Variants in SEMA4B observed in about 807,000 individuals in gnomAD.
The protein encoded by SEMA4B is semaphorin-4B.
In SEMA4B, 55 loss-of-function variants were observed where a neutral mutation model predicts 88.1. That is an observed-to-expected ratio of 0.62 (90% CI 0.50 to 0.78). The LOEUF (loss-of-function observed/expected upper bound fraction) is 0.78, where lower values mean the gene tolerates loss of function less well. Among genes scored for constraint, SEMA4B ranks in the 30% least tolerant of loss-of-function variants. SEMA4B has a pLI of 0.00. For missense variants in SEMA4B, 1,062 were observed against 1,111.9 expected, an observed-to-expected ratio of 0.96 and a Z score of 0.64; for synonymous variants, 525 against 473.6, an observed-to-expected ratio of 1.11 and a Z score of -1.41.
rs563424902 is a variant in SEMA4B, at chr15:90,217,776, G to T, written c.331G>T (p.Gly111Cys). ...PGGEYQELLW[G>C]ADAEKKQQCS... is the part of the protein sequence containing the mutation. ...CTTTCTCATTCCCCAGCTGCTTTGG[G>T]GTGCAGACGCAGAGAAGAAACAGCA... Residue 111 changes from glycine (G) to cysteine (C), a missense_variant, in exon 3 of 14, where the codon GGT (glycine) becomes TGT (cysteine). Gly to Cys is a radical substitution (Grantham distance 159, BLOSUM62 -3). Coordinates refer to ENST00000411539, the MANE Select transcript of SEMA4B (RefSeq NM_198925.4). 4 of 1,613,482 alleles carry T rather than the reference G, an allele frequency of 2.5e-6. No homozygotes were observed. The African/African-American group carries it at 5.3e-5, about 22-fold the overall frequency.
Position 90,201,540 on chromosome 15 carries a change from G to T in SEMA4B, c.-39G>T, listed in dbSNP as rs1026883638. Reference sequence around the variant, plus strand: ...GCCCGTGAGTCCGGCCGAGCCACCTGAGCCCGAGCCGCGGGACACCGTCGC... The same window carrying T: ...GCCCGTGAGTCCGGCCGAGCCACCTTAGCCCGAGCCGCGGGACACCGTCGC... On this transcript the variant is annotated 5_prime_UTR_variant, in exon 1 of 14. Transcript: ENST00000411539. 7 of 1,418,466 alleles carry T rather than the reference G, an allele frequency of 4.9e-6. No homozygotes were observed. The highest frequency in any genetic ancestry group is 2.9e-5 in the Admixed American group (1 of 34,888). The allele number at this position is 1,418,466 out of a possible 1,614,324, so 87.9% of individuals were successfully genotyped here.
chr15:90,187,628 C>T (rs1244005578), intron 1 of SEMA4B, among the ~76,000 whole-genome samples: 1 of 152,188 alleles, frequency 6.6e-6, no homozygotes, highest in Non-Finnish European at 1.5e-5. Context: ...AGGATTCTAG[C>T]CTGGGAGCAC....
At chr15:90,227,873 C>T (rs373198078) in intron 13 of SEMA4B, 31 bp from the exon 14 acceptor site, 43 of 1,605,088 alleles carry the variant, frequency 2.7e-5, no homozygotes, top group South Asian at 8.8e-5. Flanking sequence ...GACGCTGGCA[C>T]CCCCCTACCC....
chr15:90,212,643 TACACACAC>T lies in SEMA4B; in HGVS notation c.158-4779_158-4772del, dbSNP rs3029937. Among the ~76,000 whole-genome samples, 2 of 149,930 alleles carry T rather than the reference TACACACAC, an allele frequency of 1.3e-5. No individual in the cohort carries two copies. Among genetic ancestry groups the T allele is most frequent in the Non-Finnish European group, 3.0e-5 (2 of 67,248 alleles). Reference sequence around the variant, plus strand: ...CGTGGACAAGCCCTGCGGTACCGTGTACACACACACACACACACACACACCACAGGCAA... The same window carrying T: ...CGTGGACAAGCCCTGCGGTACCGTGTACACACACACACACACCACAGGCAA... On this transcript the variant is annotated intron_variant, in intron 1 of 13. Transcript: ENST00000411539. The surrounding 1 kb of genome is among the most constrained non-coding windows in gnomAD (Gnocchi z 4.0).
intron 1 of SEMA4B, among the ~76,000 whole-genome samples, chr15:90,214,489 C>G (rs552209348): frequency 6.6e-6 from 1 of 150,842 alleles, no homozygotes; most frequent in Non-Finnish European, 1.5e-5. Context: ...AATACTTTGC[C>G]GGGCGTGGTG....
At chr15:90,194,947 C>T (rs950011209) in intron 1 of SEMA4B, among the ~76,000 whole-genome samples, 9 of 152,086 alleles carry the variant, frequency 5.9e-5, no homozygotes, top group Non-Finnish European at 1.3e-4. Flanking sequence ...GACTTAATCA[C>T]ATCTGAGAAA....
rs746239417 is a variant in SEMA4B, at chr15:90,217,441, T to A, written c.160T>A (p.Ser54Thr). ...LSPRISLPLG[S>T]EERPFLRFEA... ...AATACCCATCTTCCTCTCCCCAGGC[T>A]CTGAAGAGCGGCCATTCCTCAGATT... The change falls in exon 2 of 14, where the codon TCT becomes ACT. Residue 54 changes from serine (S) to threonine (T), a missense_variant and splice_region_variant. By Grantham distance (58) the Ser-to-Thr change is moderately conservative. Coordinates refer to ENST00000411539, the MANE Select transcript of SEMA4B (RefSeq NM_198925.4). The A allele has an allele frequency of 6.2e-7, 1 of 1,612,924 alleles. No individual in the cohort carries two copies. The highest frequency in any genetic ancestry group is 1.1e-5 in the South Asian group (1 of 90,830).
chr15:90,227,411 G>A (rs1006454460), intron 12 of SEMA4B, 146 bp from the exon 13 acceptor site: 2 of 635,998 alleles, frequency 3.1e-6, no homozygotes, highest in Admixed American at 5.6e-5. Flanking sequence ...TTGAAATAAT[G>A]TGTAGACAGA....
At position 90,201,351 on chromosome 15, in the gene SEMA4B, A is replaced by T. The variant is rs1960707942; in HGVS notation, c.-228A>T. On this transcript the variant is annotated 5_prime_UTR_variant, in exon 1 of 14. Coordinates refer to ENST00000411539, the MANE Select transcript of SEMA4B (RefSeq NM_198925.4). ...CGCCGCTTGCGGGTGAGCTCTGCCCAAGCCGAGGCTGCGGGGCCGGCGCCG... is the reference window on the plus strand; with the variant it reads ...CGCCGCTTGCGGGTGAGCTCTGCCCTAGCCGAGGCTGCGGGGCCGGCGCCG... 1.6e-6 allele frequency: 2 copies of T among 1,229,990 alleles called. No homozygotes were observed. Among genetic ancestry groups the T allele is most frequent in the Non-Finnish European group, 2.0e-6 (2 of 985,082 alleles). The allele number at this position is 1,229,990 out of a possible 1,614,324, so 76.2% of individuals were successfully genotyped here.
chr15:90,228,521 C>T lies in SEMA4B; in HGVS notation c.2392C>T (p.Arg798Ter), dbSNP rs574260228. ...CCTGTCAGACAGCCCCCCGGGGTCC[C>T]GAGTCTTCACTGAGTCAGAGAAGAG... is the stretch of plus-strand genomic sequence containing the variant. Reference protein sequence around the residue: ...QSLSDSPPGSRVFTESEKRPL... With the variant: ...QSLSDSPPGS Residue 798 changes from arginine (R) to a stop codon, truncating the protein, a stop_gained, in exon 14 of 14, where the codon CGA becomes TGA. Coordinates refer to ENST00000411539, the MANE Select transcript of SEMA4B (RefSeq NM_198925.4). LOFTEE classifies it high-confidence loss of function. 1.4e-5 allele frequency: 22 copies of T among 1,611,830 alleles called. No homozygotes were observed. Among genetic ancestry groups the T allele is most frequent in the Middle Eastern group, 1.7e-4 (1 of 6,060 alleles).
chr15:90,193,834 T>C (rs1960417259), intron 1 of SEMA4B, among the ~76,000 whole-genome samples: 1 of 152,026 alleles, frequency 6.6e-6, no homozygotes, highest in Non-Finnish European at 1.5e-5. Flanking sequence ...GCAATCTTTT[T>C]CATAATATTC....
At chr15:90,224,252 C>T (rs1180831546) in intron 9 of SEMA4B, among the ~76,000 whole-genome samples, 1 of 152,244 alleles carries the variant, frequency 6.6e-6, no homozygotes, top group Non-Finnish European at 1.5e-5. Context: ...ACAATCATCT[C>T]TTCATTTGGT....
At chr15:90,222,257 T>C (rs1183246166) in intron 7 of SEMA4B, among the ~76,000 whole-genome samples, 1 of 148,936 alleles carries the variant, frequency 6.7e-6, no homozygotes, top group African/African-American at 2.4e-5. Context: ...TTCTTTTCTT[T>C]TTTTTTTTTT....
At chr15:90,221,184 C>A in intron 5 of SEMA4B, 91 bp downstream of exon 5, 1 of 1,142,092 alleles carries the variant, frequency 8.8e-7, no homozygotes, top group Non-Finnish European at 1.3e-6. Flanking sequence ...GAGTCCATGC[C>A]ATGCTTATTT....
At position 90,201,721 on chromosome 15, in the gene SEMA4B, T is replaced by C. The variant is rs199809872; in HGVS notation, c.143T>C (p.Ile48Thr). The change falls in exon 1 of 14, where the codon ATC becomes ACC. Residue 48 changes from isoleucine (I) to threonine (T), a missense_variant. Ile to Thr is a moderately conservative substitution (Grantham distance 89, BLOSUM62 -1). Coordinates refer to ENST00000411539, the MANE Select transcript of SEMA4B (RefSeq NM_198925.4). ...CCGACCTGGGCGCTCAGCCCCCGGA[T>C]CAGCCTGCCTCTGGGTGAGTGCCGG... ...PPPTWALSPR[I>T]SLPLGSEERP... is the part of the protein sequence containing the mutation. 5.3e-3 allele frequency: 7,801 copies of C among 1,477,894 alleles called. 36 individuals are homozygous for C. The highest frequency in any genetic ancestry group is 6.2e-3 in the Non-Finnish European group (6,952 of 1,119,032). The allele number at this position is 1,477,894 out of a possible 1,614,324, so 91.5% of individuals were successfully genotyped here. A position where few individuals can be genotyped will look rare whatever the true frequency, so the allele number is the denominator to read the frequency against.
chr15:90,221,159 A>G (rs759742415), intron 5 of SEMA4B, 66 bp downstream of exon 5: 7 of 1,227,958 alleles, frequency 5.7e-6, no homozygotes, highest in Non-Finnish European at 8.2e-6. Context: ...CTAGAGGGCT[A>G]GCTTTGGACA....
intron 1 of SEMA4B, among the ~76,000 whole-genome samples, chr15:90,187,054 C>T (rs114310580): frequency 3.3e-3 from 506 of 152,268 alleles, no homozygotes; most frequent in African/African-American, 0.012. Flanking sequence ...AGCTGAGTCT[C>T]CCCGCTGCAT....
upstream of SEMA4B, among the ~76,000 whole-genome samples, chr15:90,196,631 T>C (rs747753512): frequency 6.6e-6 from 1 of 151,906 alleles, no homozygotes; most frequent in Non-Finnish European, 1.5e-5. Context: ...GGACTACAGG[T>C]GCGTGCCACC....
At position 90,227,605 on chromosome 15, in the gene SEMA4B, C is replaced by T. The variant is rs749810445; in HGVS notation, c.1737C>T (p.Ser579=). The stretch of plus-strand genomic sequence containing the variant: ...GAGCCAGCGCCAAGGACCTTTGCAG[C>T]GCGTCTTCGGTTGTGTCCCCGTCTT... The part of the protein sequence containing the change: ...IEGASAKDLC[S]ASSVVSPSFV... The change falls in exon 13 of 14, where the codon AGC becomes AGT. Residue 579 remains serine, a synonymous_variant. Transcript: ENST00000411539. The T allele has an allele frequency of 1.7e-5, 28 of 1,613,880 alleles. No homozygotes were observed. The South Asian group carries it at 1.9e-4, about 11-fold the overall frequency.
Sources: allele counts gnomAD v4.1 joint callset (sites outside exome capture counted in the v4.1 genomes callset), GRCh38; gene constraint gnomAD v4.1.1; non-coding constraint Gnocchi (gnomAD v3.1); transcripts MANE v1.5; gene names NCBI Gene and HGNC (gene_info 2026-07-23, HGNC 2026-07-21).